Variants in TP63 observed in about 807,000 individuals in gnomAD.
TP63 encodes tumor protein 63.
A neutral mutation model predicts 82.8 loss-of-function variants in TP63; 17 were observed. That is an observed-to-expected ratio of 0.21 (90% confidence interval 0.14 to 0.31). The LOEUF (loss-of-function observed/expected upper bound fraction) is 0.31, where lower values mean the gene tolerates loss of function less well. Ranked by LOEUF, TP63 falls within the 10% of genes least tolerant of loss-of-function variation. The probability of loss-of-function intolerance (pLI) is 1.00; values close to 1 mark genes in which losing one functional copy is unlikely to be tolerated. For missense variants in TP63, 648 were observed against 895.3 expected (o/e 0.72, Z 3.52); for synonymous variants, 330 against 321.7 (o/e 1.03, Z -0.28).
intron 1 of TP63, among the ~76,000 whole-genome samples, chr3:189,647,574 C>T (rs902090080): frequency 1.4e-5 from 2 of 146,506 alleles, no homozygotes; most frequent in East Asian, 2.4e-4. Context: ...GCAAGCTCTA[C>T]GTGGATTGTT....
At chr3:189,786,714 G>A (rs1724631468) in intron 3 of TP63, among the ~76,000 whole-genome samples, 1 of 151,958 alleles carries the variant, frequency 6.6e-6, no homozygotes, top group South Asian at 2.1e-4. Context: ...GGAGCTTTAC[G>A]AAGTCTGAGG....
chr3:189,687,975 C>T (rs1481517116), intron 1 of TP63, among the ~76,000 whole-genome samples: 1 of 150,786 alleles, frequency 6.6e-6, no homozygotes, highest in African/African-American at 2.4e-5. Context: ...TTCAAAGAAG[C>T]TCTCAAAGTA....
intron 4 of TP63, among the ~76,000 whole-genome samples, chr3:189,820,866 T>G (rs1432976660): frequency 6.6e-6 from 1 of 152,218 alleles, no homozygotes; most frequent in Non-Finnish European, 1.5e-5. Context: ...ACATACCTAT[T>G]ATTTCCTTCA....
chr3:189,885,773 C>T (rs1720380919), intron 10 of TP63, among the ~76,000 whole-genome samples: 1 of 152,140 alleles, frequency 6.6e-6, no homozygotes, highest in Non-Finnish European at 1.5e-5. Flanking sequence ...CTTCAGCGTT[C>T]TCCTGTGTAG....
intron 3 of TP63, among the ~76,000 whole-genome samples, chr3:189,746,009 C>A (rs1721346906): frequency 1.3e-5 from 2 of 151,910 alleles, no homozygotes; most frequent in South Asian, 4.2e-4. Flanking sequence ...CAAAATAATT[C>A]ATAAAAATAT....
chr3:189,747,156 G>A (rs1721444374), intron 3 of TP63, among the ~76,000 whole-genome samples: 1 of 151,940 alleles, frequency 6.6e-6, no homozygotes, highest in Non-Finnish European at 1.5e-5. Flanking sequence ...GTAATAGTTG[G>A]GAACTTCAAC....
chr3:189,880,823 A>T, intron 10 of TP63: 2 of 985,342 alleles, frequency 2.0e-6, no homozygotes, highest in Non-Finnish European at 2.4e-6. Context: ...TCCTCCCCTC[A>T]TGTGTAGGTA....
chr3:189,774,521 C>T (rs1285337002), intron 3 of TP63, among the ~76,000 whole-genome samples: 5 of 152,106 alleles, frequency 3.3e-5, no homozygotes, highest in Admixed American at 3.3e-4. Flanking sequence ...GGGGGCCTTG[C>T]AGTAAGTAGA....
Position 189,699,356 on chromosome 3 carries a change from C to T in TP63, c.63-38384C>T, listed in dbSNP as rs182127683. ...TTTACGTGCAAGTTTCCACATTCTA[C>T]AAGCTAGCATGATGTCCAAAAGGTA... On this transcript the variant is annotated intron_variant, in intron 1 of 13. Coordinates refer to ENST00000264731, the MANE Select transcript of TP63 (RefSeq NM_003722.5). 1.6e-3 allele frequency among the ~76,000 whole-genome samples: 244 copies of T among 152,298 alleles called. 1 individual carries two copies. Among genetic ancestry groups the T allele is most frequent in the African/African-American group, 5.1e-3 (210 of 41,572 alleles).
chr3:189,631,701 G>A (rs1381868708), intron 1 of TP63, 124 bp downstream of exon 1: 19 of 1,586,986 alleles, frequency 1.2e-5, no homozygotes, highest in Non-Finnish European at 1.6e-5. Flanking sequence ...ATATTATTTT[G>A]GACTTTCTGT....
intron 4 of TP63, among the ~76,000 whole-genome samples, chr3:189,822,209 G>C (rs941222958): frequency 1.3e-5 from 2 of 152,112 alleles, no homozygotes; most frequent in Non-Finnish European, 2.9e-5. Context: ...TTTCTATTAG[G>C]ATGGATCATA....
chr3:189,629,520 G>A (rs1435240255), upstream of TP63, among the ~76,000 whole-genome samples: 1 of 152,152 alleles, frequency 6.6e-6, no homozygotes, highest in African/African-American at 2.4e-5. Flanking sequence ...ATATTTAGAA[G>A]AGTTCTTCCT....
intron 3 of TP63, among the ~76,000 whole-genome samples, chr3:189,752,620 A>T (rs1017151589): frequency 1.1e-4 from 17 of 152,110 alleles, no homozygotes; most frequent in African/African-American, 4.1e-4. Flanking sequence ...GAACTTGGTC[A>T]GCTTATCGGT....
intron 1 of TP63, among the ~76,000 whole-genome samples, chr3:189,677,319 TAC>T (rs1275888458): frequency 2.7e-5 from 4 of 147,100 alleles, no homozygotes; most frequent in Admixed American, 6.9e-5. Flanking sequence ...ATATTCTATA[TAC>T]ACACACATAT....
intron 4 of TP63, among the ~76,000 whole-genome samples, chr3:189,842,270 G>T (rs1714239316): frequency 6.6e-6 from 1 of 152,042 alleles, no homozygotes; most frequent in African/African-American, 2.4e-5. Context: ...TGTCCATAAA[G>T]CTCTCCGATC....
intron 3 of TP63, among the ~76,000 whole-genome samples, chr3:189,763,694 AG>A (rs1005931829): frequency 1.3e-5 from 2 of 152,230 alleles, no homozygotes; most frequent in African/African-American, 4.8e-5. Context: ...GTTAGGAAAT[AG>A]GCTGCCAGCT....
chr3:189,737,118 C>T (rs1720651991), intron 1 of TP63, among the ~76,000 whole-genome samples: 1 of 152,082 alleles, frequency 6.6e-6, no homozygotes, highest in Non-Finnish European at 1.5e-5. Context: ...GTCTAACATG[C>T]AATTCTACAC....
chr3:189,624,351 A>G, the TP63 span, among the ~76,000 whole-genome samples: 1 of 152,088 alleles, frequency 6.6e-6, no homozygotes, highest in African/African-American at 2.4e-5. Context: ...TGTGGTTTTT[A>G]ATGTTATAAG....
At chr3:189,643,247 C>T (rs542640330) in intron 1 of TP63, among the ~76,000 whole-genome samples, 31 of 152,122 alleles carry the variant, frequency 2.0e-4, no homozygotes, top group Admixed American at 1.8e-3. Flanking sequence ...GTGATCTGCC[C>T]GCCTCAGCCT....
Sources: gnomAD v4.1 joint callset for allele counts (sites outside exome capture counted in the v4.1 genomes callset) on GRCh38, gnomAD v4.1.1 for gene constraint, MANE v1.5 for transcripts, NCBI Gene and HGNC (gene_info 2026-07-23, HGNC 2026-07-21) for gene names.